The following SYK variants were observed in gnomAD, a reference collection of about 807,000 sequenced individuals.
The protein encoded by SYK is tyrosine-protein kinase SYK.
SYK carries 16 observed loss-of-function variants against 77.8 expected under a neutral mutation model. That is an observed-to-expected ratio of 0.21 (90% CI 0.14 to 0.31). The LOEUF (loss-of-function observed/expected upper bound fraction) is 0.31. Among genes scored for constraint, SYK ranks in the 10% least tolerant of loss-of-function variants. The pLI is 1.00. For missense variants in SYK, 529 were observed against 814.4 expected (o/e 0.65, Z 4.26); for synonymous variants, 312 against 308.7 (o/e 1.01, Z -0.11).
intron 9 of SYK, among the ~76,000 whole-genome samples, chr9:90,876,018 G>C (rs1801184143): frequency 6.6e-6 from 1 of 152,172 alleles, no homozygotes; most frequent in South Asian, 2.1e-4. Context: ...GGGTGCCGTG[G>C]CTCATGCCTA....
In SYK at chr9:90,897,149, A is replaced by G. The variant is rs371047374; in HGVS notation, c.*1549A>G. 12 of 230,716 alleles carry G rather than the reference A, an allele frequency of 5.2e-5. No homozygotes were observed. In the East Asian group the frequency reaches 6.8e-4, roughly 13 times the overall value. The allele number at this position is 230,716 out of a possible 1,614,324, so 14.3% of individuals were successfully genotyped here. A position where few individuals can be genotyped will look rare whatever the true frequency, so the allele number is the denominator to read the frequency against. ...ACCTGAGACATTTTAAAGTGCATGG[A>G]CAGCCATGGACAGCAGGCCCTCCTC... On this transcript the variant is annotated 3_prime_UTR_variant, in exon 14 of 14. Coordinates refer to ENST00000375754, the MANE Select transcript of SYK (RefSeq NM_003177.7).
rs1325461300 is a variant in SYK, at chr9:90,844,280, A to C, written c.382A>C (p.Ile128Leu). ...CTTTGAGGATTTGAAGGAAAACCTC[A>C]TCAGGGAATATGTGAAGCAGACATG... ...GPFEDLKENL[I>L]REYVKQTWNL... Residue 128 changes from isoleucine to leucine, a missense_variant, in exon 2 of 14, where the codon ATC becomes CTC. Ile to Leu is a conservative substitution (Grantham distance 5). Transcript: ENST00000375754. 4 of 1,612,918 alleles carry C rather than the reference A, an allele frequency of 2.5e-6. No individual in the cohort carries two copies. Among genetic ancestry groups the C allele is most frequent in the Non-Finnish European group, 3.4e-6 (4 of 1,179,418 alleles).
chr9:90,887,730 C>T lies in SYK; in HGVS notation c.1582-19C>T, dbSNP rs752053482. 3.2e-6 allele frequency: 5 copies of T among 1,587,074 alleles called. No individual in the cohort carries two copies. The highest frequency in any genetic ancestry group is 4.3e-6 in the Non-Finnish European group (5 of 1,164,150). On this transcript the variant is annotated intron_variant, in intron 11 of 13. Coordinates refer to ENST00000375754, the MANE Select transcript of SYK (RefSeq NM_003177.7). ...CAATTTTATTCTTAATGGAATTTCTCCCTCTGCTTTGCTTTTAGGCCCAGA... is the reference window on the plus strand; with the variant it reads ...CAATTTTATTCTTAATGGAATTTCTTCCTCTGCTTTGCTTTTAGGCCCAGA...
At chr9:90,872,041 C>A (rs1450724623) in intron 7 of SYK, among the ~76,000 whole-genome samples, 1 of 152,286 alleles carries the variant, frequency 6.6e-6, no homozygotes, top group South Asian at 2.1e-4. Context: ...TCTCTGTGTC[C>A]ATCGCTACTA....
intron 1 of SYK, among the ~76,000 whole-genome samples, chr9:90,840,491 G>A (rs1826257263): frequency 6.6e-6 from 1 of 151,536 alleles, no homozygotes; most frequent in Non-Finnish European, 1.5e-5. Context: ...GGCCAAGGCG[G>A]GCAGATCATG....
intron 1 of SYK, among the ~76,000 whole-genome samples, chr9:90,815,776 C>T (rs115776688): frequency 0.016 from 2,390 of 152,360 alleles, 66 homozygotes; most frequent in African/African-American, 0.055. Flanking sequence ...ATGTGCTCGG[C>T]TCTGTGCTTG....
intron 1 of SYK, among the ~76,000 whole-genome samples, chr9:90,825,501 A>T (rs1042262250): frequency 6.6e-6 from 1 of 152,246 alleles, no homozygotes; most frequent in Non-Finnish European, 1.5e-5. Flanking sequence ...TTCTGCCCTT[A>T]TGGGACAAAC....
intron 1 of SYK, among the ~76,000 whole-genome samples, chr9:90,839,910 T>C (rs1826229927): frequency 6.6e-6 from 1 of 152,020 alleles, no homozygotes; most frequent in Non-Finnish European, 1.5e-5. Context: ...AGCATCCCGG[T>C]GCAGTCCAGT....
chr9:90,843,038 T>C (rs1826435898), intron 1 of SYK, among the ~76,000 whole-genome samples: 1 of 152,164 alleles, frequency 6.6e-6, no homozygotes, highest in Non-Finnish European at 1.5e-5. Context: ...GCAGTGTCTC[T>C]CCTGTGTCAG....
At chr9:90,859,447 C>T (rs1470862191) in intron 3 of SYK, among the ~76,000 whole-genome samples, 1 of 152,100 alleles carries the variant, frequency 6.6e-6, no homozygotes, top group East Asian at 1.9e-4. Flanking sequence ...GTATAGCTAC[C>T]ATTTGCTCAT....
chr9:90,845,572 T>A lies in SYK; in HGVS notation c.556T>A (p.Ser186Thr). ...ATCTGAGCAAATTGTCCTGATAGGA[T>A]CAAAGACAAATGGAAAGTTCCTGTG... The part of the protein sequence containing the change: ...EESEQIVLIG[S>T]KTNGKFLIRA... Residue 186 changes from serine to threonine, a missense_variant, in exon 3 of 14, where the codon TCA (serine) becomes ACA (threonine). Coordinates refer to ENST00000375754, the MANE Select transcript of SYK (RefSeq NM_003177.7). 6.2e-7 allele frequency: 1 copy of A among 1,614,078 alleles called. No homozygotes were observed. Among genetic ancestry groups the A allele is most frequent in the South Asian group, 1.1e-5 (1 of 91,066 alleles).
intron 7 of SYK, among the ~76,000 whole-genome samples, chr9:90,868,882 T>G (rs1827620017): frequency 6.6e-6 from 1 of 152,226 alleles, no homozygotes; most frequent in Non-Finnish European, 1.5e-5. Flanking sequence ...ATTGACAAAG[T>G]CTGATAATAA....
At chr9:90,867,289 G>T (rs562349762) in intron 7 of SYK, 90 bp downstream of exon 7, 5 of 1,315,578 alleles carry the variant, frequency 3.8e-6, no homozygotes, top group Non-Finnish European at 5.5e-6. Context: ...CTGTGTGTGC[G>T]CTGCCCCCCA....
chr9:90,856,778 A>T (rs557731119), intron 3 of SYK, among the ~76,000 whole-genome samples: 2 of 151,506 alleles, frequency 1.3e-5, no homozygotes, highest in Non-Finnish European at 2.9e-5. Context: ...TTCCCTCCCT[A>T]CCCCTTTTCT....
At chr9:90,803,896 C>A (rs545033978) in intron 1 of SYK, among the ~76,000 whole-genome samples, 1 of 151,830 alleles carries the variant, frequency 6.6e-6, no homozygotes. Flanking sequence ...ATTAATATTT[C>A]TGTACTTTTA....
In SYK at chr9:90,879,003, A is replaced by C. The variant is rs1440992650; in HGVS notation, c.1581+50A>C. The C allele has an allele frequency of 3.0e-6, 4 of 1,348,032 alleles. No homozygotes were observed. In the East Asian group the frequency reaches 9.3e-5, roughly 31 times the overall value. The allele number at this position is 1,348,032 out of a possible 1,614,324, so 83.5% of individuals were successfully genotyped here. ...AGAGCAGCAGGTGGTAAAAAATGCA[A>C]GATAAATGTACGTTTTCTTTATTTT... On this transcript the variant is annotated intron_variant, in intron 11 of 13. Coordinates refer to ENST00000375754, the MANE Select transcript of SYK (RefSeq NM_003177.7).
intron 13 of SYK, 128 bp downstream of exon 13, chr9:90,888,755 C>T: frequency 1.4e-6 from 1 of 707,950 alleles, no homozygotes; most frequent in Non-Finnish European, 2.2e-6. Context: ...TCTAAACAAA[C>T]AACGGTGGGG....
At chr9:90,845,747 A>G (rs769048128) in intron 3 of SYK, among the ~76,000 whole-genome samples, 153 bp downstream of exon 3, 2 of 152,134 alleles carry the variant, frequency 1.3e-5, no homozygotes, top group Admixed American at 1.3e-4. Flanking sequence ...TTCTAAAGAC[A>G]TTTCTAACCA....
intron 1 of SYK, among the ~76,000 whole-genome samples, chr9:90,820,196 T>G (rs1434801835): frequency 6.6e-6 from 1 of 152,176 alleles, no homozygotes; most frequent in Non-Finnish European, 1.5e-5. Context: ...TGTCTGTGGC[T>G]TTTCCAGGCA....
Sources: gnomAD v4.1 joint callset for allele counts (sites outside exome capture counted in the v4.1 genomes callset) on GRCh38, gnomAD v4.1.1 for gene constraint, MANE v1.5 for transcripts, NCBI Gene and HGNC (gene_info 2026-07-23, HGNC 2026-07-21) for gene names.